The following PAX5 variants were observed in gnomAD, a reference collection of about 807,000 sequenced individuals.
The protein encoded by PAX5 is paired box protein Pax-5.
Under a neutral mutation model 43.7 loss-of-function variants are expected in PAX5, and 9 were observed. The observed-to-expected ratio is 0.21, with a 90% CI of 0.12 to 0.36. The LOEUF is 0.36. Ranked by LOEUF, PAX5 falls within the 10% of genes least tolerant of loss-of-function variation. The pLI is 1.00. For missense variants in PAX5, 383 were observed against 532.7 expected (o/e 0.72, Z 2.77); for synonymous variants, 228 against 214.3 (o/e 1.06, Z -0.56).
At chr9:36,986,426 C>T (rs912765747) in intron 5 of PAX5, among the ~76,000 whole-genome samples, 16 of 151,842 alleles carry the variant, frequency 1.1e-4, no homozygotes, top group Middle Eastern at 6.8e-3. Flanking sequence ...TTGACTTAGA[C>T]TGATTGGCTT....
intron 7 of PAX5, among the ~76,000 whole-genome samples, chr9:36,909,051 A>C (rs1023741549): frequency 2.0e-5 from 3 of 152,214 alleles, no homozygotes; most frequent in African/African-American, 7.2e-5. Context: ...TTCGGCTTTA[A>C]AATGATCGGA....
intron 9 of PAX5, among the ~76,000 whole-genome samples, chr9:36,844,633 C>T (rs1356804159): frequency 5.3e-5 from 8 of 152,196 alleles, no homozygotes; most frequent in Non-Finnish European, 8.8e-5. Context: ...CTCCCACCCA[C>T]AGCCTGTGAG....
intron 6 of PAX5, 41 bp from the exon 7 acceptor site, chr9:36,923,525 C>T (rs1207072328): frequency 5.1e-6 from 8 of 1,581,774 alleles, no homozygotes; most frequent in South Asian, 1.1e-5. Flanking sequence ...CAAGACTCCA[C>T]AGTACCTTAG....
intron 1 of PAX5, among the ~76,000 whole-genome samples, chr9:37,026,357 G>C (rs957841179): frequency 6.6e-6 from 1 of 152,270 alleles, no homozygotes; most frequent in Non-Finnish European, 1.5e-5. Flanking sequence ...GCCTCAGCCC[G>C]GGCGGCCAAG....
rs540211650 is a variant in PAX5, at chr9:36,953,783, C to T, written c.780+12766G>A. ...TATTAATTATAGTCATTTTAAATTC[C>T]CTATCTTGGCCAGGTGCAGTAGCTC... On this transcript the variant is annotated intron_variant, in intron 6 of 9. Transcript: ENST00000358127. Among the ~76,000 whole-genome samples the T allele has an allele frequency of 2.3e-3, 350 of 152,106 alleles. 4 individuals carry two copies. The highest frequency in any genetic ancestry group is 8.0e-3 in the African/African-American group (332 of 41,502).
intron 5 of PAX5, among the ~76,000 whole-genome samples, 193 bp from the exon 6 acceptor site, chr9:36,966,917 C>T (rs764869944): frequency 1.6e-4 from 24 of 152,194 alleles, no homozygotes; most frequent in Admixed American, 7.2e-4. Flanking sequence ...GTCAGCCTCC[C>T]GCAGCCATGT....
intron 4 of PAX5, among the ~76,000 whole-genome samples, chr9:37,004,725 T>C (rs1179051457): frequency 6.6e-6 from 1 of 152,164 alleles, no homozygotes; most frequent in African/African-American, 2.4e-5. Flanking sequence ...AGATCCCAGG[T>C]CACTTGGTAC....
intron 8 of PAX5, among the ~76,000 whole-genome samples, chr9:36,881,152 A>G (rs1253973860): frequency 6.6e-6 from 1 of 152,230 alleles, no homozygotes; most frequent in Non-Finnish European, 1.5e-5. Flanking sequence ...CAATGCATAC[A>G]CTGTCAAAAC....
At chr9:36,890,578 A>C (rs1301542766) in intron 7 of PAX5, among the ~76,000 whole-genome samples, 1 of 152,178 alleles carries the variant, frequency 6.6e-6, no homozygotes, top group East Asian at 1.9e-4. Flanking sequence ...ATACTCAAGC[A>C]GTGGGAACAG....
intron 7 of PAX5, among the ~76,000 whole-genome samples, chr9:36,915,683 C>A (rs1198326180): frequency 6.6e-6 from 1 of 151,906 alleles, no homozygotes; most frequent in Admixed American, 6.6e-5. Flanking sequence ...CATATACATA[C>A]AAAAGATTTA....
chr9:37,016,452 A>G (rs1315177696), intron 2 of PAX5, among the ~76,000 whole-genome samples: 1 of 152,228 alleles, frequency 6.6e-6, no homozygotes, highest in East Asian at 1.9e-4. Flanking sequence ...GGCTGTTTCT[A>G]AGGACATTTC....
intron 2 of PAX5, among the ~76,000 whole-genome samples, chr9:37,018,311 C>A (rs1460568916): frequency 6.6e-6 from 1 of 152,126 alleles, no homozygotes; most frequent in East Asian, 1.9e-4. Context: ...AAAAAGACAG[C>A]AGCCAGGCCC....
At chr9:36,889,947 G>GA (rs1027109430) in intron 7 of PAX5, among the ~76,000 whole-genome samples, 5 of 144,230 alleles carry the variant, frequency 3.5e-5, no homozygotes, top group African/African-American at 1.3e-4. Context: ...CTAACGGGGG[G>GA]GGGGGGAATG....
intron 4 of PAX5, 78 bp from the exon 5 acceptor site, chr9:37,002,854 G>T: frequency 6.6e-7 from 1 of 1,510,670 alleles, no homozygotes; most frequent in East Asian, 2.4e-5. Context: ...CGTGAGGCTG[G>T]GGGCGGCTGG....
chr9:36,975,852 T>A (rs1159658481), intron 5 of PAX5, among the ~76,000 whole-genome samples: 1 of 152,212 alleles, frequency 6.6e-6, no homozygotes. Flanking sequence ...TTTCCAGAAT[T>A]AGTATTTTTT....
At chr9:36,959,384 T>A (rs754098366) in intron 6 of PAX5, among the ~76,000 whole-genome samples, 1 of 152,220 alleles carries the variant, frequency 6.6e-6, no homozygotes, top group Admixed American at 6.5e-5. Context: ...GCTTGGGCTA[T>A]TAGTGAGTTC....
At chr9:36,860,638 T>A (rs10758405) in intron 8 of PAX5, among the ~76,000 whole-genome samples, 26,074 of 152,150 alleles carry the variant, frequency 0.17, 2,319 homozygotes, top group Middle Eastern at 0.32. Context: ...GCACTGATCC[T>A]TGTTAAAGAG....
intron 6 of PAX5, among the ~76,000 whole-genome samples, chr9:36,939,809 G>A (rs1438762557): frequency 6.6e-6 from 1 of 151,880 alleles, no homozygotes; most frequent in Non-Finnish European, 1.5e-5. Flanking sequence ...GAAAAAGCAA[G>A]AGAAAGAGAG....
At chr9:37,020,934 T>A (rs1456427520) in intron 1 of PAX5, 133 bp from the exon 2 acceptor site, 1 of 847,082 alleles carries the variant, frequency 1.2e-6, no homozygotes, top group Admixed American at 2.5e-5. Flanking sequence ...GCGCCTGGAG[T>A]CCAATCGTGC....
Sources: gnomAD v4.1 joint callset for allele counts (sites outside exome capture counted in the v4.1 genomes callset) on GRCh38, gnomAD v4.1.1 for gene constraint, MANE v1.5 for transcripts, NCBI Gene and HGNC (gene_info 2026-07-23, HGNC 2026-07-21) for gene names.